PDE8A: variants seen among roughly 807,000 people sequenced by gnomAD.
PDE8A encodes the protein high affinity cAMP-specific and IBMX-insensitive 3',5'-cyclic phosphodiesterase 8A.
Under a neutral mutation model 105.0 loss-of-function variants are expected in PDE8A, and 59 were observed. The ratio of observed to expected loss-of-function variants is 0.56; its 90% CI spans 0.46 to 0.70. The LOEUF (loss-of-function observed/expected upper bound fraction) is 0.70. Among genes scored for constraint, PDE8A ranks in the 30% least tolerant of loss-of-function variants. The probability of loss-of-function intolerance (pLI) is 0.00; values close to 1 mark genes in which losing one functional copy is unlikely to be tolerated. For synonymous variants in PDE8A, 355 were observed against 371.9 expected (o/e 0.95, Z 0.52); for missense variants, 1,014 against 1,045.9 (o/e 0.97, Z 0.42).
chr15:85,045,030 T>C (rs2080865523), intron 1 of PDE8A, among the ~76,000 whole-genome samples: 4 of 152,202 alleles, frequency 2.6e-5, no homozygotes. Context: ...TCCTCCAGTG[T>C]CCCACCTTAT....
chr15:85,024,170 G>C (rs193227922), intron 1 of PDE8A, among the ~76,000 whole-genome samples: 2 of 152,196 alleles, frequency 1.3e-5, no homozygotes, highest in East Asian at 1.9e-4. Context: ...CCTCTGATCC[G>C]TCTATCTGTC....
intron 1 of PDE8A, among the ~76,000 whole-genome samples, chr15:84,996,754 A>T (rs1462506660): frequency 2.2e-5 from 3 of 136,638 alleles, no homozygotes; most frequent in African/African-American, 8.0e-5. Context: ...TGAACCCAGG[A>T]GGCAGAGATT....
rs763793534 is a variant in PDE8A, at chr15:85,021,931, TG to T, written c.186+39585del. On this transcript the variant is annotated intron_variant, in intron 1 of 21. Transcript: ENST00000394553. ...ACATTCCATCTGTTTGTTCCATTACTGGTGATTTTCACTGTGATCACTTAAG... is the reference window on the plus strand; with the variant it reads ...ACATTCCATCTGTTTGTTCCATTACTGTGATTTTCACTGTGATCACTTAAG... Among the ~76,000 whole-genome samples, 93 of 152,390 alleles carry T rather than the reference TG, an allele frequency of 6.1e-4. 1 individual carries two copies. The highest frequency in any genetic ancestry group is 1.5e-3 in the Admixed American group (23 of 15,312).
chr15:85,045,490 G>A (rs2080873131), intron 1 of PDE8A, among the ~76,000 whole-genome samples: 1 of 152,182 alleles, frequency 6.6e-6, no homozygotes, highest in Non-Finnish European at 1.5e-5. Flanking sequence ...CTGAGTGTCA[G>A]CTTCTTCATC....
At chr15:85,021,569 A>G (rs1347520807) in intron 1 of PDE8A, among the ~76,000 whole-genome samples, 5 of 152,050 alleles carry the variant, frequency 3.3e-5, no homozygotes, top group Non-Finnish European at 7.4e-5. Context: ...TAAAAAAAAA[A>G]AGTTACCTAG....
intron 1 of PDE8A, among the ~76,000 whole-genome samples, chr15:85,039,450 T>G (rs1361326514): frequency 1.3e-5 from 2 of 148,860 alleles, no homozygotes; most frequent in South Asian, 4.2e-4. Context: ...AGATGGAAAA[T>G]AAACGTTGGT....
chr15:85,082,398 C>T (rs551645880), intron 5 of PDE8A, among the ~76,000 whole-genome samples: 7 of 152,176 alleles, frequency 4.6e-5, no homozygotes, highest in South Asian at 2.1e-4. Flanking sequence ...TTTTTATTCT[C>T]GGTGACCTTC....
chr15:84,990,499 A>T (rs573454362), intron 1 of PDE8A, among the ~76,000 whole-genome samples: 2 of 152,352 alleles, frequency 1.3e-5, no homozygotes, highest in South Asian at 4.1e-4. Flanking sequence ...TTCTTTTTTT[A>T]TAAGGCTTAT....
intron 1 of PDE8A, 26 bp from the exon 2 acceptor site, chr15:85,064,343 AT>A: frequency 6.4e-7 from 1 of 1,573,962 alleles, no homozygotes; most frequent in Non-Finnish European, 8.7e-7. Flanking sequence ...TTGTCTTTTC[AT>A]TTTTAAGCCA....
chr15:85,090,867 C>T (rs552603565), intron 7 of PDE8A, 177 bp from the exon 8 acceptor site: 7 of 669,980 alleles, frequency 1.0e-5, no homozygotes, highest in South Asian at 7.7e-5. Context: ...CTCGTCTGGG[C>T]TCCAGAATTC....
At position 85,075,848 on chromosome 15, in the gene PDE8A, G is replaced by A. The variant is rs367622216; in HGVS notation, c.435-14G>A. The stretch of plus-strand genomic sequence containing the variant: ...ATTTTTATATTTATTTTAAAGTTTT[G>A]TGTTTTTTTTAAGGTCTATCAGATC... On this transcript the variant is annotated splice_polypyrimidine_tract_variant and intron_variant, in intron 3 of 21. Transcript: ENST00000394553. The A allele has an allele frequency of 8.3e-5, 116 of 1,395,536 alleles. No homozygotes were observed. The highest frequency in any genetic ancestry group is 1.1e-4 in the Non-Finnish European group (113 of 1,004,388). The allele number at this position is 1,395,536 out of a possible 1,614,324, so 86.4% of individuals were successfully genotyped here.
At chr15:85,067,349 A>G in intron 3 of PDE8A, 145 bp downstream of exon 3, 3 of 552,330 alleles carry the variant, frequency 5.4e-6, no homozygotes, top group Non-Finnish European at 9.5e-6. Context: ...CTCACTATTT[A>G]TAGGACTGAT....
intron 1 of PDE8A, among the ~76,000 whole-genome samples, chr15:85,018,931 T>C (rs289414): frequency 0.69 from 104,754 of 152,052 alleles, 36,539 homozygotes; most frequent in Non-Finnish European, 0.75. Flanking sequence ...ACTCTTTGTA[T>C]AATGAAAATA....
intron 20 of PDE8A, among the ~76,000 whole-genome samples, chr15:85,128,676 AACTC>A (rs1265867177): frequency 1.3e-5 from 2 of 152,254 alleles, no homozygotes; most frequent in Admixed American, 6.5e-5. Context: ...AAAGAACTAT[AACTC>A]AGTAGTAAAA....
intron 1 of PDE8A, among the ~76,000 whole-genome samples, chr15:85,031,595 G>A (rs2080616327): frequency 6.6e-6 from 1 of 152,078 alleles, no homozygotes; most frequent in Non-Finnish European, 1.5e-5. Context: ...ACTGAGTACA[G>A]CCCTCAGTCC....
chr15:85,134,085 C>T (rs1245650197), intron 20 of PDE8A, among the ~76,000 whole-genome samples: 1 of 152,194 alleles, frequency 6.6e-6, no homozygotes, highest in Non-Finnish European at 1.5e-5. Flanking sequence ...TTGCTGGTCT[C>T]CAGGAGGGAA....
intron 3 of PDE8A, among the ~76,000 whole-genome samples, chr15:85,068,435 A>C (rs1003505511): frequency 1.3e-5 from 2 of 152,198 alleles, no homozygotes; most frequent in African/African-American, 4.8e-5. Context: ...AGCTCCGGCC[A>C]GGAAAAAGGG....
In PDE8A at chr15:85,120,989, T is replaced by C. The variant is rs2082172113; in HGVS notation, c.1927T>C (p.Cys643Arg). 1.2e-6 allele frequency: 2 copies of C among 1,611,076 alleles called. No homozygotes were observed. Among genetic ancestry groups the C allele is most frequent in the South Asian group, 2.2e-5 (2 of 90,826 alleles). The change falls in exon 18 of 22, where the codon TGC (cysteine) becomes CGC (arginine). Residue 643 changes from cysteine (C) to arginine (R), a missense_variant. Physicochemically the swap from Cys to Arg is radical, Grantham distance 180. Transcript: ENST00000394553. The stretch of plus-strand genomic sequence containing the variant: ...CCAGCTGACCACTGGAGATGATAAA[T>C]GCAATATATTTAAAAACATGGAGAG... ...AFQLTTGDDK[C>R]NIFKNMERND...
At chr15:85,080,941 A>G (rs1191633257) in intron 5 of PDE8A, among the ~76,000 whole-genome samples, 1 of 152,222 alleles carries the variant, frequency 6.6e-6, no homozygotes, top group Non-Finnish European at 1.5e-5. Context: ...ATGTAGAGGT[A>G]GTGGCAGGCT....
Sources: gnomAD v4.1 joint callset for allele counts (sites outside exome capture counted in the v4.1 genomes callset) on GRCh38, gnomAD v4.1.1 for gene constraint, MANE v1.5 for transcripts, NCBI Gene and HGNC (gene_info 2026-07-23, HGNC 2026-07-21) for gene names.